Variants in STK31 observed in about 807,000 individuals in gnomAD.
The protein encoded by STK31 is serine/threonine-protein kinase 31.
STK31 carries 89 observed loss-of-function variants against 129.7 expected under a neutral mutation model. That is an observed-to-expected ratio of 0.69 (90% CI 0.58 to 0.82). STK31 has a LOEUF of 0.82. STK31 is among the 40% of genes least tolerant of loss of function. The probability of loss-of-function intolerance (pLI) is 0.00; values close to 1 mark genes in which losing one functional copy is unlikely to be tolerated. For synonymous variants in STK31, 448 were observed against 395.3 expected (o/e 1.13, Z -1.58); for missense variants, 1,187 against 1,176.4 (o/e 1.01, Z -0.13).
intron 22 of STK31, among the ~76,000 whole-genome samples, chr7:23,805,545 C>T (rs1294160826): frequency 6.6e-6 from 1 of 152,004 alleles, no homozygotes; most frequent in Non-Finnish European, 1.5e-5. Flanking sequence ...AGTGCAGTGG[C>T]ACTATACAGC....
At chr7:23,738,182 G>T (rs1787829623) in intron 8 of STK31, among the ~76,000 whole-genome samples, 1 of 152,136 alleles carries the variant, frequency 6.6e-6, no homozygotes. Flanking sequence ...AGAACTCACG[G>T]AAGTGCTATA....
At chr7:23,779,038 T>G (rs1012464427) in intron 15 of STK31, among the ~76,000 whole-genome samples, 1 of 152,244 alleles carries the variant, frequency 6.6e-6, no homozygotes, top group African/African-American at 2.4e-5. Context: ...ACGTCCTTTT[T>G]GTTTATGCTG....
Position 23,710,284 on chromosome 7 carries a change from G to A in STK31, c.-2G>A. 6.2e-7 allele frequency: 1 copy of A among 1,612,446 alleles called. No individual in the cohort carries two copies. Among genetic ancestry groups the A allele is most frequent in the Non-Finnish European group, 8.5e-7 (1 of 1,179,898 alleles). Reference sequence around the variant, plus strand: ...CGGCGGGCGGAGGGCCGAAAGTCCAGTATGTGGGTCCAGGGTCACTCTTCT... The same window carrying A: ...CGGCGGGCGGAGGGCCGAAAGTCCAATATGTGGGTCCAGGGTCACTCTTCT... On this transcript the variant is annotated 5_prime_UTR_variant, in exon 1 of 24. Transcript: ENST00000355870.
chr7:23,829,702 A>G (rs1214288384), intron 23 of STK31, among the ~76,000 whole-genome samples: 1 of 152,070 alleles, frequency 6.6e-6, no homozygotes. Context: ...GTTTGAGGAT[A>G]ATTGATGTTA....
intron 13 of STK31, among the ~76,000 whole-genome samples, 174 bp from the exon 14 acceptor site, chr7:23,770,831 C>G (rs1174972037): frequency 1.3e-5 from 2 of 152,114 alleles, no homozygotes; most frequent in Non-Finnish European, 2.9e-5. Flanking sequence ...ATATGAACAT[C>G]TTTGATATCT....
intron 9 of STK31, among the ~76,000 whole-genome samples, chr7:23,753,887 G>C (rs1223655166): frequency 6.6e-6 from 1 of 152,090 alleles, no homozygotes; most frequent in African/African-American, 2.4e-5. Context: ...CTTAACTCTT[G>C]TTTAGATCAA....
chr7:23,788,306 TTG>T (rs1175030071), intron 21 of STK31, among the ~76,000 whole-genome samples, 177 bp downstream of exon 21: 1 of 151,924 alleles, frequency 6.6e-6, no homozygotes, highest in Non-Finnish European at 1.5e-5. Context: ...AGCAGGAGTA[TTG>T]TGTATTTTAA....
intron 23 of STK31, among the ~76,000 whole-genome samples, chr7:23,826,828 T>G (rs1359810497): frequency 1.3e-5 from 2 of 152,150 alleles, no homozygotes; most frequent in East Asian, 1.9e-4. Flanking sequence ...GTCTGTAAAG[T>G]ATTTTATTTC....
At chr7:23,736,467 C>T (rs10265560) in intron 7 of STK31, among the ~76,000 whole-genome samples, 20,240 of 148,174 alleles carry the variant, frequency 0.14, 1,568 homozygotes, top group Middle Eastern at 0.19. Context: ...GATGCTGTAT[C>T]TTGGATGACA....
intron 22 of STK31, among the ~76,000 whole-genome samples, chr7:23,791,668 A>G (rs1053274856): frequency 2.0e-5 from 3 of 152,328 alleles, no homozygotes; most frequent in Admixed American, 6.5e-5. Context: ...TTGTACTGCT[A>G]TTTTACGTAG....
intron 22 of STK31, chr7:23,811,358 C>T: frequency 5.2e-6 from 2 of 382,240 alleles, no homozygotes; most frequent in Non-Finnish European, 1.0e-5. Flanking sequence ...TTCAAGTTTG[C>T]CTTTGATTGA....
chr7:23,781,807 T>G (rs1041154450), intron 16 of STK31, among the ~76,000 whole-genome samples: 5 of 152,214 alleles, frequency 3.3e-5, no homozygotes, highest in African/African-American at 9.6e-5. Flanking sequence ...TGTTAACTTT[T>G]GACTTTCTTT....
chr7:23,726,616 CAAA>C (rs768158362), intron 4 of STK31, among the ~76,000 whole-genome samples: 4 of 108,462 alleles, frequency 3.7e-5, no homozygotes, highest in Non-Finnish European at 5.8e-5. Context: ...GACCCTGTCT[CAAA>C]AAAAAAAAAA....
rs1420649724 is a variant in STK31 at position 23,735,732 on chromosome 7, G to T, written c.678G>T (p.Leu226Phe). 6.2e-7 allele frequency: 1 copy of T among 1,614,056 alleles called. No individual in the cohort carries two copies. The change falls in exon 7 of 24, where the codon TTG becomes TTT. Residue 226 changes from leucine to phenylalanine, a missense_variant. Transcript: ENST00000355870. ...SRTDICEEKK[L>F]DPGQLVLRNL... is the part of the protein sequence containing the mutation. ...CTGACATCTGTGAGGAAAAAAAATTGGATCCTGGTCAACTTGTTCTCAGGA... is the reference window on the plus strand; with the variant it reads ...CTGACATCTGTGAGGAAAAAAAATTTGATCCTGGTCAACTTGTTCTCAGGA...
At chr7:23,825,728 G>A in intron 23 of STK31, among the ~76,000 whole-genome samples, 1 of 151,912 alleles carries the variant, frequency 6.6e-6, no homozygotes, top group Non-Finnish European at 1.5e-5. Context: ...TTTCTCTTAT[G>A]GGCATTTAGT....
chr7:23,718,419 T>TAACCACC (rs1786483433), intron 4 of STK31, among the ~76,000 whole-genome samples: 1 of 152,144 alleles, frequency 6.6e-6, no homozygotes, highest in Non-Finnish European at 1.5e-5. Flanking sequence ...TTTACGTGTG[T>TAACCACC]ATGTATCCAT....
intron 17 of STK31, among the ~76,000 whole-genome samples, chr7:23,784,992 G>A (rs1272602299): frequency 6.6e-6 from 1 of 151,968 alleles, no homozygotes; most frequent in Non-Finnish European, 1.5e-5. Flanking sequence ...TTTTACAAAT[G>A]TTTATTTCAG....
Position 23,772,323 on chromosome 7 carries a change from T to A in STK31, c.1965+45T>A, listed in dbSNP as rs577514699. 3.2e-6 allele frequency: 5 copies of A among 1,576,056 alleles called. No individual in the cohort carries two copies. The East Asian group carries it at 1.1e-4, about 36-fold the overall frequency. Reference sequence around the variant, plus strand: ...TTACTGATCTTTATGTGCATCTCATTTTACTTGGTCTCTGCTTCATAAAAA... The same window carrying A: ...TTACTGATCTTTATGTGCATCTCATATTACTTGGTCTCTGCTTCATAAAAA... On this transcript the variant is annotated intron_variant, in intron 15 of 23. Coordinates refer to ENST00000355870, the MANE Select transcript of STK31 (RefSeq NM_031414.5).
chr7:23,809,839 T>A (rs1351872517), intron 22 of STK31, among the ~76,000 whole-genome samples: 1 of 9,778 alleles, frequency 1.0e-4, no homozygotes, highest in East Asian at 1.3e-3. Flanking sequence ...GTAGGCTACA[T>A]GTATAGCCTA....
Sources: gnomAD v4.1 joint callset for allele counts (sites outside exome capture counted in the v4.1 genomes callset) on GRCh38, gnomAD v4.1.1 for gene constraint, MANE v1.5 for transcripts, NCBI Gene and HGNC (gene_info 2026-07-23, HGNC 2026-07-21) for gene names.